The following MED12L variants were observed in gnomAD, a reference collection of about 807,000 sequenced individuals.
MED12L encodes the protein mediator of RNA polymerase II transcription subunit 12-like protein.
Under a neutral mutation model 281.3 loss-of-function variants are expected in MED12L, and 60 were observed. The observed-to-expected ratio is 0.21, with a 90% confidence interval of 0.17 to 0.26. MED12L has a LOEUF of 0.26. Ranked by LOEUF, MED12L falls within the 10% of genes least tolerant of loss-of-function variation. The pLI, the probability that MED12L is intolerant of heterozygous loss-of-function variation, is 1.00. For missense variants in MED12L, 2,146 were observed against 2,680.9 expected (o/e 0.80, Z 4.41); for synonymous variants, 974 against 987.2 (o/e 0.99, Z 0.25).
intron 5 of MED12L, among the ~76,000 whole-genome samples, chr3:151,151,326 C>T (rs1456072298): frequency 6.6e-5 from 10 of 151,788 alleles, no homozygotes; most frequent in Admixed American, 1.3e-4. Context: ...CGTGAGCCAC[C>T]GCACCCAGCC....
chr3:151,167,173 C>T (rs186716459), intron 11 of MED12L, among the ~76,000 whole-genome samples: 8 of 152,290 alleles, frequency 5.3e-5, no homozygotes, highest in African/African-American at 1.7e-4. Context: ...AATTGATAAT[C>T]ACAGATAATT....
intron 16 of MED12L, among the ~76,000 whole-genome samples, chr3:151,238,707 T>C (rs1733431018): frequency 6.6e-6 from 1 of 152,144 alleles, no homozygotes; most frequent in South Asian, 2.1e-4. Flanking sequence ...AAAAGAAAAA[T>C]CAGTTTTACC....
intron 2 of MED12L, among the ~76,000 whole-genome samples, chr3:151,103,960 T>C (rs1335561563): frequency 6.6e-6 from 1 of 152,230 alleles, no homozygotes; most frequent in Non-Finnish European, 1.5e-5. Context: ...GTTATGAGGA[T>C]GGTCATGAAT....
At chr3:151,388,665 C>T (rs979399476) in intron 37 of MED12L, among the ~76,000 whole-genome samples, 2 of 152,186 alleles carry the variant, frequency 1.3e-5, no homozygotes, top group African/African-American at 4.8e-5. Context: ...ATCTTACCCT[C>T]ATATATTTTC....
intron 16 of MED12L, among the ~76,000 whole-genome samples, chr3:151,251,130 C>T (rs1736769773): frequency 6.6e-6 from 1 of 152,154 alleles, no homozygotes; most frequent in South Asian, 2.1e-4. Context: ...TCCTGAGCCC[C>T]ATGCTTTTGC....
chr3:151,190,735 G>A lies in MED12L; in HGVS notation c.1772G>A (p.Cys591Tyr), dbSNP rs1323688070. The change falls in exon 14 of 45, where the codon TGT becomes TAT. Residue 591 changes from cysteine to tyrosine, a missense_variant. Coordinates refer to ENST00000687756, the MANE Select transcript of MED12L (RefSeq NM_001393769.1). ...APSLSDPNSE[C>Y]EKVEFVNLVL... ...TCTATAGCGGACCCAAACAGTGAAT[G>A]TGAAAAGGTGGAATTTGTGAACCTG... 3 of 1,614,064 alleles carry A rather than the reference G, an allele frequency of 1.9e-6. No homozygotes were observed. Among genetic ancestry groups the A allele is most frequent in the African/African-American group, 1.3e-5 (1 of 74,920 alleles).
Position 151,378,187 on chromosome 3 carries a change from A to G in MED12L, c.4478+14A>G. The G allele has an allele frequency of 6.3e-7, 1 of 1,590,662 alleles. No individual in the cohort carries two copies. Among genetic ancestry groups the G allele is most frequent in the Non-Finnish European group, 8.6e-7 (1 of 1,166,558 alleles). ...GAAACAGAAAAGGTGTGGCTGGAAG[A>G]TGGGCGTCTGTGTGAGAGTTTAAAG... On this transcript the variant is annotated intron_variant, in intron 31 of 44. Transcript: ENST00000687756.
intron 5 of MED12L, among the ~76,000 whole-genome samples, chr3:151,155,161 G>A (rs1220214865): frequency 1.3e-5 from 2 of 152,200 alleles, no homozygotes; most frequent in Non-Finnish European, 2.9e-5. Flanking sequence ...AGAACCTATT[G>A]CTGAATAATG....
intron 16 of MED12L, among the ~76,000 whole-genome samples, chr3:151,304,718 G>T (rs1015205641): frequency 1.3e-5 from 2 of 152,086 alleles, no homozygotes; most frequent in African/African-American, 4.8e-5. Flanking sequence ...GTTGGTTTTA[G>T]CTTCTAACCC....
intron 40 of MED12L, 86 bp from the exon 41 acceptor site, chr3:151,411,192 G>T: frequency 8.8e-7 from 1 of 1,139,858 alleles, no homozygotes; most frequent in Non-Finnish European, 1.3e-6. Flanking sequence ...GTCCTCATGG[G>T]TTTGTTTTTG....
chr3:151,375,457 A>G lies in MED12L; in HGVS notation c.3865-569A>G, dbSNP rs575620921. 4.6e-5 allele frequency among the ~76,000 whole-genome samples: 7 copies of G among 152,290 alleles called. No individual in the cohort carries two copies. In the South Asian group the frequency reaches 1.4e-3, roughly 32 times the overall value. ...AGAGGGTCATTAACCCCATGCATCT[A>G]TAGCCCCCCACTCACACTGGACCCA... On this transcript the variant is annotated intron_variant, in intron 27 of 44. Transcript: ENST00000687756.
At chr3:151,181,308 A>C (rs969270929) in intron 11 of MED12L, among the ~76,000 whole-genome samples, 3 of 152,194 alleles carry the variant, frequency 2.0e-5, no homozygotes, top group African/African-American at 7.2e-5. Context: ...CATGTTTAGA[A>C]ATGTAAAAGT....
At chr3:151,101,130 G>T (rs1721337137) in intron 2 of MED12L, among the ~76,000 whole-genome samples, 1 of 152,090 alleles carries the variant, frequency 6.6e-6, no homozygotes, top group Admixed American at 6.5e-5. Flanking sequence ...CACTCAGGGT[G>T]GTAGCAATGC....
chr3:151,426,556 G>C lies in MED12L; in HGVS notation c.6409-3743G>C, dbSNP rs149228086. Among the ~76,000 whole-genome samples, 861 of 152,292 alleles carry C rather than the reference G, an allele frequency of 5.7e-3. 9 individuals are homozygous for C. The highest frequency in any genetic ancestry group is 0.019 in the African/African-American group (797 of 41,570). On this transcript the variant is annotated intron_variant, in intron 43 of 44. Transcript: ENST00000687756. Reference sequence around the variant, plus strand: ...GGTAAAACACTGTAAGAAGATTGTAGATATAGATCATGTACTTCTGGTCAG... The same window carrying C: ...GGTAAAACACTGTAAGAAGATTGTACATATAGATCATGTACTTCTGGTCAG...
chr3:151,228,054 G>C (rs1395606310), intron 16 of MED12L, among the ~76,000 whole-genome samples: 1 of 152,128 alleles, frequency 6.6e-6, no homozygotes, highest in Non-Finnish European at 1.5e-5. Flanking sequence ...TTTCTTGTTG[G>C]GGTCAGACCT....
At chr3:151,309,119 GCACACACA>G (rs1177424724) in intron 16 of MED12L, among the ~76,000 whole-genome samples, 3 of 144,234 alleles carry the variant, frequency 2.1e-5, no homozygotes, top group Non-Finnish European at 4.6e-5. Context: ...TGAAATACAC[GCACACACA>G]CACACACACA....
intron 27 of MED12L, among the ~76,000 whole-genome samples, chr3:151,374,688 T>C (rs2108045931): frequency 6.6e-6 from 1 of 152,358 alleles, no homozygotes; most frequent in South Asian, 2.1e-4. Context: ...TTATTTGAAC[T>C]TTTCCCATCC....
chr3:151,398,130 C>T (rs779674042), intron 39 of MED12L, among the ~76,000 whole-genome samples: 1 of 152,128 alleles, frequency 6.6e-6, no homozygotes, highest in Non-Finnish European at 1.5e-5. Context: ...CTTCCAGGAG[C>T]CTAAAGTTTC....
intron 16 of MED12L, among the ~76,000 whole-genome samples, chr3:151,200,005 A>T (rs183494399): frequency 6.6e-6 from 1 of 152,204 alleles, no homozygotes; most frequent in Admixed American, 6.5e-5. Flanking sequence ...AAAACCCACA[A>T]CTACCAGAAC....
Sources: allele counts gnomAD v4.1 joint callset (sites outside exome capture counted in the v4.1 genomes callset), GRCh38; gene constraint gnomAD v4.1.1; transcripts MANE v1.5; gene names NCBI Gene and HGNC (gene_info 2026-07-23, HGNC 2026-07-21).